NAALAD2: variants seen among roughly 807,000 people sequenced by gnomAD.
NAALAD2 encodes the protein N-acetylated-alpha-linked acidic dipeptidase 2.
In NAALAD2, 89 loss-of-function variants were observed where a neutral mutation model predicts 95.6. That is an observed-to-expected ratio of 0.93 (90% CI 0.78 to 1.11). NAALAD2 has a LOEUF of 1.11. NAALAD2 is among the 50% of genes least tolerant of loss of function. The pLI is 0.00. For synonymous variants in NAALAD2, 264 were observed against 294.4 expected, an observed-to-expected ratio of 0.90 and a Z score of 1.06; for missense variants, 894 against 872.4, an observed-to-expected ratio of 1.02 and a Z score of -0.31.
chr11:90,170,764 T>C (rs900067642), intron 13 of NAALAD2, among the ~76,000 whole-genome samples: 14 of 152,038 alleles, frequency 9.2e-5, no homozygotes, highest in Admixed American at 3.9e-4. Flanking sequence ...AATGAAGGGA[T>C]GTAGAAGTAA....
chr11:90,162,508 AAT>A (rs1952325158), intron 8 of NAALAD2: 1 of 152,028 alleles, frequency 6.6e-6, no homozygotes, highest in African/African-American at 2.4e-5. Flanking sequence ...TATAAATATA[AAT>A]AGATACATTT....
intron 13 of NAALAD2, among the ~76,000 whole-genome samples, chr11:90,173,104 G>A (rs1256731485): frequency 6.6e-6 from 1 of 152,044 alleles, no homozygotes; most frequent in Admixed American, 6.6e-5. Flanking sequence ...ACATGTCTCT[G>A]CTCTTCTTAG....
intron 2 of NAALAD2, among the ~76,000 whole-genome samples, chr11:90,145,323 G>C (rs577841328): frequency 2.6e-5 from 4 of 152,134 alleles, no homozygotes; most frequent in African/African-American, 9.6e-5. Context: ...CTCTTTTTCT[G>C]TACTTCTCTA....
chr11:90,191,461 G>GT (rs1857323779), intron 18 of NAALAD2, 97 bp from the exon 19 acceptor site: 5 of 785,142 alleles, frequency 6.4e-6, no homozygotes, highest in Non-Finnish European at 9.3e-6. Context: ...AGGAACAAAA[G>GT]TGAGTATCAC....
At chr11:90,142,305 C>T (rs1046700569) in intron 2 of NAALAD2, among the ~76,000 whole-genome samples, 10 of 152,086 alleles carry the variant, frequency 6.6e-5, no homozygotes, top group Admixed American at 4.6e-4. Flanking sequence ...TTAACTTGCT[C>T]AGTTTTTACT....
intron 2 of NAALAD2, 120 bp downstream of exon 2, chr11:90,135,790 C>A: frequency 7.5e-6 from 5 of 663,940 alleles, no homozygotes; most frequent in Non-Finnish European, 1.1e-5. Context: ...ACATATTAGT[C>A]ATCAACTTTT....
chr11:90,140,735 C>T (rs1951589860), intron 2 of NAALAD2, among the ~76,000 whole-genome samples: 1 of 152,026 alleles, frequency 6.6e-6, no homozygotes, highest in South Asian at 2.1e-4. Context: ...TTTAATTTAT[C>T]AATTTTTCTC....
chr11:90,178,399 C>T (rs561817871), intron 16 of NAALAD2, among the ~76,000 whole-genome samples: 5 of 152,060 alleles, frequency 3.3e-5, no homozygotes, highest in Non-Finnish European at 7.4e-5. Context: ...TGGCTGGGTG[C>T]GGTGGCTCAC....
At chr11:90,151,464 G>A (rs1343503561) in intron 5 of NAALAD2, among the ~76,000 whole-genome samples, 1 of 152,058 alleles carries the variant, frequency 6.6e-6, no homozygotes, top group Non-Finnish European at 1.5e-5. Flanking sequence ...ATTTAATTGT[G>A]AACATCTTTG....
At chr11:90,155,401 TATATAATGTAA>T (rs1565522678) in intron 6 of NAALAD2, among the ~76,000 whole-genome samples, 1 of 81,908 alleles carries the variant, frequency 1.2e-5, no homozygotes, top group African/African-American at 5.9e-5. Flanking sequence ...ATATATAATA[TATATAATGTAA>T]TATTACATAT....
Position 90,163,362 on chromosome 11 carries a change from T to C in NAALAD2, c.1128T>C (p.Ile376=), listed in dbSNP as rs919135921. 1.9e-6 allele frequency: 3 copies of C among 1,614,090 alleles called. No homozygotes were observed. The highest frequency in any genetic ancestry group is 2.5e-6 in the Non-Finnish European group (3 of 1,179,920). ...GHRDSWVFGA[I]DPTSGVAVLQ... Reference sequence around the variant, plus strand: ...GGGACTCCTGGGTATTTGGAGCTATTGACCCAACCAGTGGGGTTGCTGTTT... The same window carrying C: ...GGGACTCCTGGGTATTTGGAGCTATCGACCCAACCAGTGGGGTTGCTGTTT... Residue 376 remains isoleucine, a synonymous_variant, in exon 10 of 19, where the codon ATT becomes ATC. Coordinates refer to ENST00000534061, the MANE Select transcript of NAALAD2 (RefSeq NM_005467.4).
At chr11:90,181,585 C>T (rs201269118) in intron 16 of NAALAD2, 35 bp from the exon 17 acceptor site, 13 of 1,415,830 alleles carry the variant, frequency 9.2e-6, no homozygotes, top group Non-Finnish European at 1.3e-5. Flanking sequence ...GAAATATGAG[C>T]TAATTTCTCT....
chr11:90,191,023 G>A (rs902860189), intron 18 of NAALAD2, among the ~76,000 whole-genome samples: 5 of 151,970 alleles, frequency 3.3e-5, no homozygotes, highest in African/African-American at 9.7e-5. Flanking sequence ...GTGTCTTTGC[G>A]GGCAACCCAC....
intron 5 of NAALAD2, 27 bp from the exon 6 acceptor site, chr11:90,152,271 A>C: frequency 1.3e-6 from 2 of 1,553,550 alleles, no homozygotes; most frequent in Non-Finnish European, 1.8e-6. Flanking sequence ...CCATATCTGC[A>C]TTATGAATTG....
chr11:90,150,427 GTTTTT>G lies in NAALAD2; in HGVS notation c.484-48_484-44del, dbSNP rs5793433. ...GTATTGTGAAGCAAACTTATTTTTT[GTTTTT>G]TTTTTTCTTTAATTTTAGCAGTATT... On this transcript the variant is annotated intron_variant, in intron 4 of 18. Transcript: ENST00000534061. 15 of 1,098,804 alleles carry G rather than the reference GTTTTT, an allele frequency of 1.4e-5. No individual in the cohort carries two copies. In the African/African-American group the frequency reaches 2.4e-4, roughly 18 times the overall value. 68.1% of individuals were successfully genotyped at this position (1,098,804 alleles called of 1,614,324 possible).
chr11:90,147,109 G>C (rs1277525594), intron 2 of NAALAD2, among the ~76,000 whole-genome samples: 1 of 152,080 alleles, frequency 6.6e-6, no homozygotes, highest in Non-Finnish European at 1.5e-5. Context: ...CATGAAATGT[G>C]TTCTTTTCTG....
chr11:90,134,618 G>C, upstream of NAALAD2: 1 of 702,952 alleles, frequency 1.4e-6, no homozygotes, highest in Non-Finnish European at 2.5e-6. Context: ...GTCCCCAGCG[G>C]GTAGGGCGGA....
At chr11:90,167,932 G>C in intron 11 of NAALAD2, among the ~76,000 whole-genome samples, 1 of 152,180 alleles carries the variant, frequency 6.6e-6, no homozygotes, top group Non-Finnish European at 1.5e-5. Context: ...TCAGATAAGA[G>C]AATAAAAGCA....
intron 18 of NAALAD2, among the ~76,000 whole-genome samples, chr11:90,187,847 TGTATG>T (rs1184414164): frequency 1.3e-5 from 2 of 152,174 alleles, no homozygotes; most frequent in African/African-American, 4.8e-5. Flanking sequence ...ACTAATCTGA[TGTATG>T]TATGTATAGC....
Sources: allele counts gnomAD v4.1 joint callset (sites outside exome capture counted in the v4.1 genomes callset), GRCh38; gene constraint gnomAD v4.1.1; transcripts MANE v1.5; gene names NCBI Gene and HGNC (gene_info 2026-07-23, HGNC 2026-07-21).